Variants in DPYSL5 observed in about 807,000 individuals in gnomAD.
The protein encoded by DPYSL5 is dihydropyrimidinase-related protein 5.
Under a neutral mutation model 58.4 loss-of-function variants are expected in DPYSL5, and 9 were observed. The observed-to-expected ratio is 0.15, with a 90% CI of 0.09 to 0.27. The LOEUF (loss-of-function observed/expected upper bound fraction) is 0.27, where lower values mean the gene tolerates loss of function less well. Ranked by LOEUF, DPYSL5 falls within the 10% of genes least tolerant of loss-of-function variation. The pLI, the probability that DPYSL5 is intolerant of heterozygous loss-of-function variation, is 1.00. For missense variants in DPYSL5, 499 were observed against 770.6 expected, an observed-to-expected ratio of 0.65 and a Z score of 4.17; for synonymous variants, 293 against 301.9, an observed-to-expected ratio of 0.97 and a Z score of 0.31.
chr2:26,903,164 G>T (rs1386956516), intron 2 of DPYSL5, among the ~76,000 whole-genome samples: 1 of 151,642 alleles, frequency 6.6e-6, no homozygotes, highest in African/African-American at 2.4e-5. Flanking sequence ...CTGTCGCCTG[G>T]GTTCACACGA....
At chr2:26,946,822 G>A (rs1665498385) in intron 12 of DPYSL5, 88 bp from the exon 13 acceptor site, 2 of 973,234 alleles carry the variant, frequency 2.1e-6, no homozygotes, top group South Asian at 3.0e-5. Context: ...CTCAGGCCAT[G>A]CACACAGTGA....
At chr2:26,928,415 G>C (rs918838861) in intron 5 of DPYSL5, 92 bp downstream of exon 5, 1 of 1,416,418 alleles carries the variant, frequency 7.1e-7, no homozygotes, top group African/African-American at 1.4e-5. Flanking sequence ...ATACAAATTA[G>C]CCAGGCACAA....
At chr2:26,932,240 ACCTC>A (rs1665053219) in intron 6 of DPYSL5, among the ~76,000 whole-genome samples, 1 of 150,642 alleles carries the variant, frequency 6.6e-6, no homozygotes, top group Non-Finnish European at 1.5e-5. Flanking sequence ...AAGAAAACCA[ACCTC>A]TACGATGCAG....
chr2:26,898,369 A>G lies in DPYSL5; in HGVS notation c.-4-127A>G, dbSNP rs1664068200. 4 of 1,319,278 alleles carry G rather than the reference A, an allele frequency of 3.0e-6. No homozygotes were observed. In the South Asian group the frequency reaches 5.7e-5, roughly 19 times the overall value. The allele number at this position is 1,319,278 out of a possible 1,614,324, so 81.7% of individuals were successfully genotyped here. A position where few individuals can be genotyped will look rare whatever the true frequency, so the allele number is the denominator to read the frequency against. ...GAGGCTTGTGACTCCCGCTGGCTGT[A>G]GGGGAAAGTTCCTCCTCTTCTCTGC... is the stretch of plus-strand genomic sequence containing the variant. On this transcript the variant is annotated intron_variant, in intron 1 of 12. Coordinates refer to ENST00000288699, the MANE Select transcript of DPYSL5 (RefSeq NM_020134.4). The surrounding 1 kb of genome is among the most constrained non-coding windows in gnomAD (Gnocchi z 6.1).
At chr2:26,894,353 CAG>C (rs1285403396) in intron 1 of DPYSL5, among the ~76,000 whole-genome samples, 5 of 152,292 alleles carry the variant, frequency 3.3e-5, no homozygotes, top group Non-Finnish European at 5.9e-5. Flanking sequence ...CTTTGCAGAG[CAG>C]AGAGAATGCA....
chr2:26,876,959 C>T (rs1378106384), intron 1 of DPYSL5, among the ~76,000 whole-genome samples: 1 of 144,944 alleles, frequency 6.9e-6, no homozygotes, highest in Non-Finnish European at 1.5e-5. Flanking sequence ...ATTCCACAGC[C>T]ACTTTTTTTT....
At chr2:26,936,786 A>C (rs1398933846) in intron 8 of DPYSL5, among the ~76,000 whole-genome samples, 1 of 151,776 alleles carries the variant, frequency 6.6e-6, no homozygotes, top group African/African-American at 2.4e-5. Flanking sequence ...TCTCTACTAA[A>C]AATACAAAAA....
chr2:26,890,000 G>C (rs972419309), intron 1 of DPYSL5, among the ~76,000 whole-genome samples: 3 of 152,220 alleles, frequency 2.0e-5, no homozygotes, highest in African/African-American at 7.2e-5. Flanking sequence ...GATTGGACGG[G>C]GTTAGCATCT....
Position 26,886,191 on chromosome 2 carries a change from G to A in DPYSL5, c.-4-12305G>A, listed in dbSNP as rs116021689. ...AGCAGGTAAAGTTTGATTGGATGTC[G>A]GGAGAAGTAGTCACGGAGTGGAAAC... On this transcript the variant is annotated intron_variant, in intron 1 of 12. Coordinates refer to ENST00000288699, the MANE Select transcript of DPYSL5 (RefSeq NM_020134.4). Among the ~76,000 whole-genome samples the A allele has an allele frequency of 8.1e-3, 1,241 of 152,286 alleles. 13 individuals are homozygous for A. Among genetic ancestry groups the A allele is most frequent in the Non-Finnish European group, 0.012 (783 of 68,018 alleles).
Position 26,898,780 on chromosome 2 carries a change from A to G in DPYSL5, c.261+20A>G, listed in dbSNP as rs1485931545. On this transcript the variant is annotated intron_variant, in intron 2 of 12. Coordinates refer to ENST00000288699, the MANE Select transcript of DPYSL5 (RefSeq NM_020134.4). This position sits in a 1 kb window ranked among gnomAD's most constrained non-coding sequence, Gnocchi z 6.1. ...ACCAAGGTAATGCTCCTGTTTGCCA[A>G]AGGTGGCTTCCTCTTTGGCTTTTTT... 2 of 1,587,494 alleles carry G rather than the reference A, an allele frequency of 1.3e-6. No individual in the cohort carries two copies. Among genetic ancestry groups the G allele is most frequent in the African/African-American group, 2.7e-5 (2 of 74,184 alleles).
intron 1 of DPYSL5, among the ~76,000 whole-genome samples, chr2:26,848,944 G>C (rs1007662372): frequency 6.6e-6 from 1 of 152,198 alleles, no homozygotes; most frequent in African/African-American, 2.4e-5. Flanking sequence ...TTGCAGCATC[G>C]ATCTCAGCGG....
At position 26,931,662 on chromosome 2, in the gene DPYSL5, G is replaced by A. The variant is rs1664991624; in HGVS notation, c.692G>A (p.Arg231His). ...CAGCTGGAAGCTGAAGCCACTCATC[G>A]TGTTATCACCATTGCAAACAGGGTA... ...PEELEAEATH[R>H]VITIANRTHC... is the part of the protein sequence containing the mutation. The change falls in exon 6 of 13, where the codon CGT (arginine) becomes CAT (histidine). Residue 231 changes from arginine to histidine, a missense_variant. Arg to His is a conservative substitution (Grantham distance 29). Transcript: ENST00000288699. 3.1e-6 allele frequency: 5 copies of A among 1,613,890 alleles called. No homozygotes were observed. Among genetic ancestry groups the A allele is most frequent in the Non-Finnish European group, 4.2e-6 (5 of 1,179,936 alleles).
rs775375591 is a variant in DPYSL5 at position 26,928,752 on chromosome 2, C to CGTGT, written c.669+433_669+436dup. On this transcript the variant is annotated intron_variant, in intron 5 of 12. Transcript: ENST00000288699. ...ATACGCACACACACGCACACACATA[C>CGTGT]GTGTGTGCGTGTGTGTGTGTGTGTA... 3.7e-3 allele frequency among the ~76,000 whole-genome samples: 319 copies of CGTGT among 86,716 alleles called. 3 individuals carry two copies. The highest frequency in any genetic ancestry group is 9.3e-3 in the African/African-American group (221 of 23,870). The allele number at this position is 86,716 out of a possible 152,430, so 56.9% of individuals were successfully genotyped here. A position where few individuals can be genotyped will look rare whatever the true frequency, so the allele number is the denominator to read the frequency against.
At chr2:26,890,451 A>G (rs1558333770) in intron 1 of DPYSL5, among the ~76,000 whole-genome samples, 1 of 152,256 alleles carries the variant, frequency 6.6e-6, no homozygotes, top group African/African-American at 2.4e-5. Context: ...CAAACAAGCC[A>G]GTGCGGGCTT....
intron 4 of DPYSL5, 142 bp from the exon 5 acceptor site, chr2:26,928,113 A>G: frequency 2.4e-6 from 2 of 838,256 alleles, no homozygotes; most frequent in East Asian, 2.7e-5. Flanking sequence ...TCTTTAGAAG[A>G]CGAACACTGC....
intron 2 of DPYSL5, among the ~76,000 whole-genome samples, chr2:26,910,577 G>T (rs1664408806): frequency 6.7e-6 from 1 of 149,196 alleles, no homozygotes; most frequent in East Asian, 2.0e-4. Flanking sequence ...TTAAAAATCT[G>T]AATATAAGAG....
intron 1 of DPYSL5, among the ~76,000 whole-genome samples, chr2:26,863,359 G>T (rs1187595003): frequency 1.3e-5 from 2 of 152,304 alleles, no homozygotes; most frequent in South Asian, 4.1e-4. Flanking sequence ...TGCCCCCCAG[G>T]CATGTACCTA....
chr2:26,875,963 T>C (rs1663399561), intron 1 of DPYSL5, among the ~76,000 whole-genome samples: 1 of 152,152 alleles, frequency 6.6e-6, no homozygotes, highest in East Asian at 1.9e-4. Flanking sequence ...CGTATTCATC[T>C]CTTTTATCGG....
At chr2:26,939,813 A>T (rs1446888579) in intron 8 of DPYSL5, 2 of 556,020 alleles carry the variant, frequency 3.6e-6, no homozygotes, top group Admixed American at 6.4e-5. Context: ...GTCTCCTGTG[A>T]CACAGACAGA....
Sources: allele counts gnomAD v4.1 joint callset (sites outside exome capture counted in the v4.1 genomes callset), GRCh38; gene constraint gnomAD v4.1.1; non-coding constraint Gnocchi (gnomAD v3.1); transcripts MANE v1.5; gene names NCBI Gene and HGNC (gene_info 2026-07-23, HGNC 2026-07-21).